Variants in DPYSL3 observed in about 807,000 individuals in gnomAD.
DPYSL3 encodes dihydropyrimidinase-related protein 3.
DPYSL3 carries 16 observed loss-of-function variants against 66.1 expected under a neutral mutation model. The observed-to-expected ratio is 0.24, with a 90% CI of 0.16 to 0.37. DPYSL3 has a LOEUF of 0.37. Among genes scored for constraint, DPYSL3 ranks in the 10% least tolerant of loss-of-function variants. DPYSL3 has a pLI of 1.00. For synonymous variants in DPYSL3, 338 were observed against 345.1 expected (o/e 0.98, Z 0.23); for missense variants, 738 against 916.2 (o/e 0.81, Z 2.51).
intron 1 of DPYSL3, among the ~76,000 whole-genome samples, chr5:147,474,690 C>T (rs1166852103): frequency 1.3e-5 from 2 of 151,982 alleles, no homozygotes; most frequent in African/African-American, 2.4e-5. Flanking sequence ...ATGGTAAATG[C>T]TTAATAAATT....
intron 1 of DPYSL3, among the ~76,000 whole-genome samples, chr5:147,494,871 T>G (rs1206593078): frequency 2.2e-5 from 3 of 137,572 alleles, no homozygotes; most frequent in Non-Finnish European, 4.6e-5. Context: ...AGAGCAAGAC[T>G]CCATCTCAAA....
In DPYSL3 at chr5:147,483,428, G is replaced by T. The variant is rs923829189; in HGVS notation, c.381+26050C>A. ...GCTTGATGTGACTTCCTGATAAACT[G>T]TGTAATCAGCTGATTGACGTCCATT... On this transcript the variant is annotated intron_variant, in intron 1 of 13. Transcript: ENST00000343218. Among the ~76,000 whole-genome samples the T allele has an allele frequency of 2.0e-5, 3 of 152,190 alleles. No individual in the cohort carries two copies. In the East Asian group the frequency reaches 5.8e-4, roughly 29 times the overall value.
intron 1 of DPYSL3, among the ~76,000 whole-genome samples, chr5:147,468,194 T>C (rs571545131): frequency 1.8e-4 from 28 of 152,204 alleles, no homozygotes; most frequent in Non-Finnish European, 3.1e-4. Flanking sequence ...AATGCCACTA[T>C]GGAAAACAAT....
At chr5:147,409,401 TA>T (rs752960144) in intron 6 of DPYSL3, among the ~76,000 whole-genome samples, 7 of 152,340 alleles carry the variant, frequency 4.6e-5, no homozygotes, top group Non-Finnish European at 1.0e-4. Flanking sequence ...ATGCATATTT[TA>T]ATAAGCCACT....
At chr5:147,403,522 A>G (rs902911937) in intron 8 of DPYSL3, among the ~76,000 whole-genome samples, 3 of 152,158 alleles carry the variant, frequency 2.0e-5, no homozygotes, top group African/African-American at 4.8e-5. Context: ...AGAAATGCCT[A>G]TTTCTCAGAG....
chr5:147,395,808 G>T, intron 12 of DPYSL3, 87 bp from the exon 13 acceptor site: 1 of 1,477,880 alleles, frequency 6.8e-7, no homozygotes. Flanking sequence ...AGTGAATACA[G>T]TGTGTGGTGG....
At chr5:147,446,601 C>G (rs185910240) in intron 1 of DPYSL3, among the ~76,000 whole-genome samples, 1 of 152,308 alleles carries the variant, frequency 6.6e-6, no homozygotes, top group Admixed American at 6.5e-5. Context: ...TGAAGGGAAA[C>G]AGACAGCCTG....
intron 2 of DPYSL3, 94 bp from the exon 3 acceptor site, chr5:147,418,725 A>G: frequency 1.8e-6 from 2 of 1,141,584 alleles, no homozygotes; most frequent in Non-Finnish European, 2.5e-6. Context: ...GATTTTAAAC[A>G]GTGTTACTTG....
Position 147,395,596 on chromosome 5 carries a change from A to T in DPYSL3, c.1929T>A (p.Pro643=). ...ARGSPTRPNP[P]VRNLHQSGFS... The stretch of plus-strand genomic sequence containing the variant: ...ATCCCGACTGATGAAGATTCCTCAC[A>T]GGTGGGTTCGGCCGAGTAGGAGAGC... Residue 643 remains proline (P), a synonymous_variant, in exon 13 of 14, where the codon CCT becomes CCA. Coordinates refer to ENST00000343218, the MANE Select transcript of DPYSL3 (RefSeq NM_001197294.2). The T allele has an allele frequency of 6.2e-7, 1 of 1,613,814 alleles. No homozygotes were observed. Among genetic ancestry groups the T allele is most frequent in the Non-Finnish European group, 8.5e-7 (1 of 1,179,918 alleles).
intron 9 of DPYSL3, among the ~76,000 whole-genome samples, 175 bp from the exon 10 acceptor site, chr5:147,401,008 C>G (rs576128168): frequency 6.6e-6 from 1 of 152,256 alleles, no homozygotes; most frequent in African/African-American, 2.4e-5. Flanking sequence ...TCCCTGGGCT[C>G]AGTTACCCCA....
At chr5:147,434,992 T>C (rs934838125) in intron 1 of DPYSL3, among the ~76,000 whole-genome samples, 15 of 152,082 alleles carry the variant, frequency 9.9e-5, no homozygotes, top group African/African-American at 3.6e-4. Context: ...GAGAGGAAAC[T>C]TGGGGGTGAG....
intron 1 of DPYSL3, among the ~76,000 whole-genome samples, chr5:147,502,793 A>T (rs1052141614): frequency 6.6e-6 from 1 of 151,838 alleles, no homozygotes; most frequent in Non-Finnish European, 1.5e-5. Context: ...AGCCAGGATG[A>T]TCTCGATCTC....
At chr5:147,502,036 A>AT (rs1461441360) in intron 1 of DPYSL3, among the ~76,000 whole-genome samples, 3 of 152,104 alleles carry the variant, frequency 2.0e-5, no homozygotes, top group African/African-American at 7.2e-5. Context: ...TAAATAATAA[A>AT]TGTATTTCTT....
intron 2 of DPYSL3, among the ~76,000 whole-genome samples, 163 bp from the exon 3 acceptor site, chr5:147,418,794 T>C (rs1339824733): frequency 2.6e-5 from 4 of 152,232 alleles, no homozygotes; most frequent in Admixed American, 2.6e-4. Context: ...TAAACAAAGA[T>C]AGATATACAC....
intron 8 of DPYSL3, among the ~76,000 whole-genome samples, chr5:147,404,654 G>A (rs1758285080): frequency 6.6e-6 from 1 of 152,174 alleles, no homozygotes; most frequent in South Asian, 2.1e-4. Flanking sequence ...CTGACACTGA[G>A]GATGAGAACC....
chr5:147,500,385 G>A (rs977249522), intron 1 of DPYSL3, among the ~76,000 whole-genome samples: 1 of 152,038 alleles, frequency 6.6e-6, no homozygotes, highest in African/African-American at 2.4e-5. Context: ...AGGCTGAGGT[G>A]GGCGGATCAC....
chr5:147,478,421 A>G (rs529032429), intron 1 of DPYSL3, among the ~76,000 whole-genome samples: 1 of 152,350 alleles, frequency 6.6e-6, no homozygotes, highest in African/African-American at 2.4e-5. Context: ...ATAACATCTA[A>G]GAAGTATGGT....
At chr5:147,445,082 A>T (rs1206131909) in intron 1 of DPYSL3, among the ~76,000 whole-genome samples, 1 of 152,234 alleles carries the variant, frequency 6.6e-6, no homozygotes, top group Non-Finnish European at 1.5e-5. Flanking sequence ...GAAAGACGAC[A>T]TAAAGGTCTG....
chr5:147,432,884 A>G (rs1402367744), intron 1 of DPYSL3, among the ~76,000 whole-genome samples: 2 of 152,222 alleles, frequency 1.3e-5, no homozygotes, highest in African/African-American at 2.4e-5. Flanking sequence ...CAATAAAAAC[A>G]TCACTAAATT....
Sources: allele counts gnomAD v4.1 joint callset (sites outside exome capture counted in the v4.1 genomes callset), GRCh38; gene constraint gnomAD v4.1.1; transcripts MANE v1.5; gene names NCBI Gene and HGNC (gene_info 2026-07-23, HGNC 2026-07-21).